Variants in TDRD9 observed in about 807,000 individuals in gnomAD.
TDRD9 encodes the protein ATP-dependent RNA helicase TDRD9.
A neutral mutation model predicts 172.6 loss-of-function variants in TDRD9; 124 were observed. The ratio of observed to expected loss-of-function variants is 0.72; its 90% CI spans 0.62 to 0.83. TDRD9 has a LOEUF of 0.83. Among genes scored for constraint, TDRD9 ranks in the 40% least tolerant of loss-of-function variants. The pLI, the probability that TDRD9 is intolerant of heterozygous loss-of-function variation, is 0.00. For missense variants in TDRD9, 1,479 were observed against 1,714.1 expected, an observed-to-expected ratio of 0.86 and a Z score of 2.42; for synonymous variants, 619 against 617.1, an observed-to-expected ratio of 1.00 and a Z score of -0.05.
In TDRD9 at chr14:103,965,618, A is replaced by G. The variant is rs531277288; in HGVS notation, c.642+64A>G. On this transcript the variant is annotated intron_variant, in intron 4 of 35. Transcript: ENST00000409874. ...TGTCTCTCTATTCCTTAATTTTATTAAGTTTTTTTCTGTGTAAGTTGATAG... is the reference window on the plus strand; with the variant it reads ...TGTCTCTCTATTCCTTAATTTTATTGAGTTTTTTTCTGTGTAAGTTGATAG... 2.6e-4 allele frequency: 379 copies of G among 1,433,602 alleles called. 1 individual carries two copies. The African/African-American group carries it at 4.9e-3, about 19-fold the overall frequency. 88.8% of individuals were successfully genotyped at this position (1,433,602 alleles called of 1,614,324 possible). A position where few individuals can be genotyped will look rare whatever the true frequency, so the allele number is the denominator to read the frequency against.
rs183261599 is a variant in TDRD9, at chr14:103,961,240, C to T, written c.323-1839C>T. ...GAGACGTGATAATGGAAAGAAAATCCCTGTTTTAGTAAACTTGGCAATCAC... is the reference window on the plus strand; with the variant it reads ...GAGACGTGATAATGGAAAGAAAATCTCTGTTTTAGTAAACTTGGCAATCAC... On this transcript the variant is annotated intron_variant, in intron 2 of 35. Coordinates refer to ENST00000409874, the MANE Select transcript of TDRD9 (RefSeq NM_153046.3). Among the ~76,000 whole-genome samples, 659 of 152,188 alleles carry T rather than the reference C, an allele frequency of 4.3e-3. 7 individuals are homozygous for T. The highest frequency in any genetic ancestry group is 0.015 in the African/African-American group (636 of 41,508).
intron 8 of TDRD9, among the ~76,000 whole-genome samples, chr14:103,989,957 C>G (rs4900606): frequency 2.0e-5 from 3 of 152,242 alleles, no homozygotes; most frequent in Non-Finnish European, 4.4e-5. Context: ...TCCTTATTAT[C>G]AGTCTTGCCA....
At chr14:103,955,339 C>T (rs1281704007) in intron 1 of TDRD9, among the ~76,000 whole-genome samples, 4 of 152,080 alleles carry the variant, frequency 2.6e-5, no homozygotes, top group Non-Finnish European at 4.4e-5. Flanking sequence ...GTACTCTAGC[C>T]TGGGTGACAG....
Position 104,004,324 on chromosome 14 carries a change from C to T in TDRD9, c.1570C>T (p.Pro524Ser), listed in dbSNP as rs200657917. 28 of 1,576,202 alleles carry T rather than the reference C, an allele frequency of 1.8e-5. No individual in the cohort carries two copies. In the Admixed American group the frequency reaches 4.7e-4, roughly 26 times the overall value. ...CAACTCCATCCCTGATCATGTTGTT[C>T]CTGAGATGTTGGTAATTCACTTTGG... The part of the protein sequence containing the change: ...WDNSIPDHVV[P>S]EMLRCPLGST... Residue 524 changes from proline (P) to serine (S), a missense_variant, in exon 14 of 36, where the codon CCT becomes TCT. Around this residue, in one of 3 missense-constraint regions of TDRD9, gnomAD observed 1,413 missense variants for 1,649.1 expected, o/e 0.86. Coordinates refer to ENST00000409874, the MANE Select transcript of TDRD9 (RefSeq NM_153046.3).
In TDRD9 at chr14:103,986,233, T is replaced by G. The variant is rs763370990; in HGVS notation, c.1028T>G (p.Leu343Arg). 64 of 1,612,804 alleles carry G rather than the reference T, an allele frequency of 4.0e-5. No homozygotes were observed. The highest frequency in any genetic ancestry group is 5.2e-5 in the Non-Finnish European group (61 of 1,179,514). The change falls in exon 8 of 36, where the codon CTG (leucine) becomes CGG (arginine). Residue 343 changes from leucine to arginine, a missense_variant. Leu to Arg is a moderately radical substitution (Grantham distance 102). Transcript: ENST00000409874. The part of the protein sequence containing the change: ...IHHSKLSPHL[L>R]EEPVITKDIY... ...TGTTTTTAGCTCTCTCCTCATCTCC[T>G]GGAGGAACCGGTGATAACTAAGGAT...
chr14:104,032,114 A>G, intron 30 of TDRD9, 27 bp downstream of exon 30: 2 of 1,457,516 alleles, frequency 1.4e-6, no homozygotes, highest in Non-Finnish European at 1.9e-6. Context: ...TTTTCCATGA[A>G]TTTTTTTTCT....
At chr14:104,045,632 T>G (rs2035749772) in intron 34 of TDRD9, among the ~76,000 whole-genome samples, 1 of 152,222 alleles carries the variant, frequency 6.6e-6, no homozygotes, top group Admixed American at 6.5e-5. Context: ...ATGTGATATG[T>G]TTGAAACCTA....
At chr14:104,001,766 G>A (rs928035433) in intron 13 of TDRD9, among the ~76,000 whole-genome samples, 1 of 151,860 alleles carries the variant, frequency 6.6e-6, no homozygotes, top group Non-Finnish European at 1.5e-5. Flanking sequence ...GCCCCACCAC[G>A]CCCAGCTAAT....
At chr14:103,988,023 AATTTT>A (rs2033736100) in intron 8 of TDRD9, among the ~76,000 whole-genome samples, 1 of 152,128 alleles carries the variant, frequency 6.6e-6, no homozygotes, top group South Asian at 2.1e-4. Context: ...CGTAACACTT[AATTTT>A]AAGACCTATT....
chr14:104,046,396 A>AT (rs1691928546), intron 34 of TDRD9, among the ~76,000 whole-genome samples: 1 of 152,260 alleles, frequency 6.6e-6, no homozygotes, highest in Admixed American at 6.5e-5. Context: ...ATGATTTTGT[A>AT]TGTGGTATGT....
intron 20 of TDRD9, 21 bp from the exon 21 acceptor site, chr14:104,014,704 A>AT: frequency 7.2e-7 from 1 of 1,389,174 alleles, no homozygotes. Flanking sequence ...GAGACATCAG[A>AT]TTTCAATGTA....
At chr14:104,040,488 C>A (rs186316389) in intron 33 of TDRD9, among the ~76,000 whole-genome samples, 154 bp downstream of exon 33, 1 of 152,240 alleles carries the variant, frequency 6.6e-6, no homozygotes, top group Non-Finnish European at 1.5e-5. Context: ...CTGGAGTCAC[C>A]CTCCAGGAGG....
intron 1 of TDRD9, among the ~76,000 whole-genome samples, chr14:103,937,280 A>C (rs1405525652): frequency 1.3e-5 from 2 of 152,064 alleles, no homozygotes; most frequent in Admixed American, 1.3e-4. Flanking sequence ...CTCTGGTCAC[A>C]TTGGCATTTT....
At chr14:103,934,668 G>C (rs909885984) in intron 1 of TDRD9, among the ~76,000 whole-genome samples, 7 of 152,226 alleles carry the variant, frequency 4.6e-5, no homozygotes, top group African/African-American at 1.7e-4. Context: ...TGTAGTCCCC[G>C]CTACTCGGGA....
At chr14:104,045,390 C>CTTTTTTTTTTTTTTTT (rs55844445) in intron 34 of TDRD9, among the ~76,000 whole-genome samples, 1 of 133,906 alleles carries the variant, frequency 7.5e-6, no homozygotes, top group African/African-American at 2.8e-5. Flanking sequence ...GTCATTTATC[C>CTTTTTTTTTTTTTTTT]TTTTTTTTTT....
chr14:103,986,484 T>A (rs1426734106), intron 8 of TDRD9, among the ~76,000 whole-genome samples, 164 bp downstream of exon 8: 1 of 152,242 alleles, frequency 6.6e-6, no homozygotes, highest in African/African-American at 2.4e-5. Flanking sequence ...GGAATTTTTT[T>A]AACTGGAAAT....
At chr14:104,038,887 C>T (rs989842866) in intron 32 of TDRD9, among the ~76,000 whole-genome samples, 4 of 152,178 alleles carry the variant, frequency 2.6e-5, no homozygotes, top group Non-Finnish European at 5.9e-5. Flanking sequence ...CCAGGCTTGT[C>T]TCAAACTCTT....
At chr14:103,952,132 G>GTATA (rs10567333) in intron 1 of TDRD9, among the ~76,000 whole-genome samples, 1 of 127,732 alleles carries the variant, frequency 7.8e-6, no homozygotes, top group African/African-American at 3.0e-5. Flanking sequence ...ATATATACAC[G>GTATA]TATATATATA....
rs892963565 is a variant in TDRD9, at chr14:104,031,253, C to G, written c.3428C>G (p.Pro1143Arg). Reference sequence around the variant, plus strand: ...TTTTCTACCAATAAACTGGGTACTCCAAACTGTAAGGTGATTGTAGGAGTT... The same window carrying G: ...TTTTCTACCAATAAACTGGGTACTCGAAACTGTAAGGTGATTGTAGGAGTT... ...ESFSTNKLGT[P>R]NCKAELHGPF... Residue 1143 changes from proline (P) to arginine (R), a missense_variant, in exon 29 of 36, where the codon CCA becomes CGA. By Grantham distance (103) the Pro-to-Arg change is moderately radical (BLOSUM62 -2). Coordinates refer to ENST00000409874, the MANE Select transcript of TDRD9 (RefSeq NM_153046.3). 6.4e-7 allele frequency: 1 copy of G among 1,550,486 alleles called. No individual in the cohort carries two copies. The highest frequency in any genetic ancestry group is 2.4e-5 in the East Asian group (1 of 40,906).
Sources: allele counts gnomAD v4.1 joint callset (sites outside exome capture counted in the v4.1 genomes callset), GRCh38; gene constraint gnomAD v4.1.1; regional missense constraint gnomAD v4.1.1; transcripts MANE v1.5; gene names NCBI Gene and HGNC (gene_info 2026-07-23, HGNC 2026-07-21).